Variants in ERI1 observed in about 807,000 individuals in gnomAD.
The protein encoded by ERI1 is 3'-5' exoribonuclease 1.
In ERI1, 39 loss-of-function variants were observed where a neutral mutation model predicts 39.7. That is an observed-to-expected ratio of 0.98 (90% CI 0.76 to 1.28). The LOEUF is 1.28. ERI1 is among the 50% of genes most tolerant of loss of function. The pLI is 0.00. For synonymous variants in ERI1, 204 were observed against 149.6 expected (o/e 1.36, Z -2.65); for missense variants, 581 against 416.9 (o/e 1.39, Z -3.43).
At chr8:9,038,004 C>A (rs111900036), downstream of ERI1, among the ~76,000 whole-genome samples, 161 of 151,994 alleles carry the variant, frequency 1.1e-3, no homozygotes, top group African/African-American at 3.7e-3. Flanking sequence ...ACAAGTACTC[C>A]CTAATACTTG....
chr8:9,066,238 T>A (rs1172699247), intron 3 of ERI1, among the ~76,000 whole-genome samples: 1 of 152,170 alleles, frequency 6.6e-6, no homozygotes. Flanking sequence ...TCATTGGGGT[T>A]CCCACTAGCA....
At position 9,029,779 on chromosome 8, in the gene ERI1, G is replaced by C. The variant is rs200419458; in HGVS notation, c.808-13G>C. On this transcript the variant is annotated splice_polypyrimidine_tract_variant and intron_variant, in intron 6 of 6. Coordinates refer to ENST00000250263, the MANE Select transcript of ERI1 (RefSeq NM_153332.4). ...ACACCAAAGAATTATTTACTAAGCT[G>C]TTTATTTTTCAGGTTCCTAGAAGCC... 6 of 1,613,938 alleles carry C rather than the reference G, an allele frequency of 3.7e-6. No individual in the cohort carries two copies. Among genetic ancestry groups the C allele is most frequent in the Admixed American group, 1.7e-5 (1 of 60,004 alleles).
intron 3 of ERI1, among the ~76,000 whole-genome samples, chr8:9,040,826 G>T (rs1285250295): frequency 6.6e-6 from 1 of 152,000 alleles, no homozygotes; most frequent in Admixed American, 6.6e-5. Context: ...AAGGAGAGTG[G>T]AGCACAAACC....
intron 3 of ERI1, among the ~76,000 whole-genome samples, chr8:9,041,873 TA>T (rs1233777948): frequency 1.3e-5 from 2 of 152,190 alleles, no homozygotes; most frequent in Admixed American, 1.3e-4. Context: ...TAGCTGGGAA[TA>T]CAGGCATGCA....
At chr8:9,037,769 G>C (rs1797898559), downstream of ERI1, among the ~76,000 whole-genome samples, 1 of 151,918 alleles carries the variant, frequency 6.6e-6, no homozygotes, top group Non-Finnish European at 1.5e-5. Flanking sequence ...AATTTTTAGA[G>C]GCTCTGTCTC....
chr8:9,063,214 A>G (rs1798761555), intron 3 of ERI1, among the ~76,000 whole-genome samples: 1 of 152,216 alleles, frequency 6.6e-6, no homozygotes, highest in African/African-American at 2.4e-5. Flanking sequence ...TTTAGGGTCT[A>G]GGGCTGTAAA....
At position 9,063,428 on chromosome 8, in the gene ERI1, A is replaced by C. The variant is rs575169845; in HGVS notation, n.299+42964A>C. Among the ~76,000 whole-genome samples, 40 of 152,246 alleles carry C rather than the reference A, an allele frequency of 2.6e-4. No homozygotes were observed. In the Middle Eastern group the frequency reaches 0.024, roughly 91 times the overall value. On this transcript the variant is annotated intron_variant and non_coding_transcript_variant, in intron 3 of 3. Transcript: ENST00000518663. Reference sequence around the variant, plus strand: ...GGGCTAGTCATGGAATGAAACTGTAAGCCAGACCGGGTGTGAGGAGGGGAG... The same window carrying C: ...GGGCTAGTCATGGAATGAAACTGTACGCCAGACCGGGTGTGAGGAGGGGAG...
chr8:9,083,711 T>G (rs1799437512), intron 3 of ERI1, among the ~76,000 whole-genome samples: 1 of 151,804 alleles, frequency 6.6e-6, no homozygotes, highest in Non-Finnish European at 1.5e-5. Flanking sequence ...CCCAGCACTT[T>G]GGGAGGCTGA....
At chr8:9,055,749 C>G (rs1798486586) in intron 3 of ERI1, among the ~76,000 whole-genome samples, 1 of 152,172 alleles carries the variant, frequency 6.6e-6, no homozygotes, top group South Asian at 2.1e-4. Context: ...CCATGTTGGC[C>G]AGGCTGGTCT....
chr8:9,045,768 C>T (rs769426605), intron 3 of ERI1, among the ~76,000 whole-genome samples: 1 of 151,684 alleles, frequency 6.6e-6, no homozygotes, highest in Non-Finnish European at 1.5e-5. Flanking sequence ...CCTCCACCTC[C>T]CGGGTTCAAG....
downstream of ERI1, among the ~76,000 whole-genome samples, chr8:9,037,250 A>G (rs923682862): frequency 6.6e-6 from 1 of 152,148 alleles, no homozygotes. Context: ...CTAGGGTAAT[A>G]GTTACTCCCC....
intron 2 of ERI1, 91 bp from the exon 3 acceptor site, chr8:9,011,451 G>C (rs1212845098): frequency 2.8e-6 from 2 of 710,614 alleles, no homozygotes; most frequent in Non-Finnish European, 4.3e-6. Flanking sequence ...CGCTGTGATT[G>C]TCAGTGTTCA....
In ERI1 at chr8:9,018,159, T is replaced by A. The variant is rs920937143; in HGVS notation, c.583-138T>A. 4 of 524,800 alleles carry A rather than the reference T, an allele frequency of 7.6e-6. No homozygotes were observed. The African/African-American group carries it at 7.6e-5, about 10-fold the overall frequency. 32.5% of individuals were successfully genotyped at this position (524,800 alleles called of 1,614,324 possible). ...TTAAAAATGAAACTTTAGGTGGAGC[T>A]AAGCCAAGGAAACCATGAATTTAAA... On this transcript the variant is annotated intron_variant, in intron 4 of 6. Transcript: ENST00000250263.
chr8:9,007,414 TA>T (rs1816138101), intron 1 of ERI1, among the ~76,000 whole-genome samples: 1 of 152,238 alleles, frequency 6.6e-6, no homozygotes. Context: ...AAAGTTCATT[TA>T]AAAATGGGTT....
chr8:9,076,236 G>A (rs1441515961), intron 3 of ERI1, among the ~76,000 whole-genome samples: 1 of 152,066 alleles, frequency 6.6e-6, no homozygotes, highest in Non-Finnish European at 1.5e-5. Flanking sequence ...GAGCCACTGT[G>A]CCCAGCCAGA....
At chr8:9,091,936 C>G (rs993996357) in intron 3 of ERI1, among the ~76,000 whole-genome samples, 1 of 152,132 alleles carries the variant, frequency 6.6e-6, no homozygotes, top group Non-Finnish European at 1.5e-5. Context: ...TCTGAACTTA[C>G]GCTGAAGTGT....
intron 3 of ERI1, among the ~76,000 whole-genome samples, chr8:9,012,039 G>T (rs75357177): frequency 2.8e-5 from 1 of 35,706 alleles, no homozygotes; most frequent in African/African-American, 5.2e-5. Context: ...AAAAAATAAA[G>T]AAAACACTAA....
chr8:9,034,950 G>C (rs564387466), downstream of ERI1, among the ~76,000 whole-genome samples: 1 of 152,216 alleles, frequency 6.6e-6, no homozygotes, highest in Non-Finnish European at 1.5e-5. Context: ...GAAAGTTTTA[G>C]TGGTGTGGAT....
chr8:9,023,534 A>G (rs190693224), intron 6 of ERI1, among the ~76,000 whole-genome samples: 127 of 152,204 alleles, frequency 8.3e-4, no homozygotes, highest in Non-Finnish European at 4.0e-4. Flanking sequence ...TTGAGTAAAC[A>G]GTGGTTTCTC....
Sources: allele counts gnomAD v4.1 joint callset (sites outside exome capture counted in the v4.1 genomes callset), GRCh38; gene constraint gnomAD v4.1.1; transcripts MANE v1.5; gene names NCBI Gene and HGNC (gene_info 2026-07-23, HGNC 2026-07-21).